WFDC1: variants seen among roughly 807,000 people sequenced by gnomAD.
WFDC1 encodes the protein WAP four-disulfide core domain 1.
WFDC1 carries 39 observed loss-of-function variants against 32.9 expected under a neutral mutation model. The ratio of observed to expected loss-of-function variants is 1.19; its 90% CI spans 0.92 to 1.55. The LOEUF (loss-of-function observed/expected upper bound fraction) is 1.55, where lower values mean the gene tolerates loss of function less well. Ranked by LOEUF, WFDC1 falls within the 40% of genes most tolerant of loss-of-function variation. The pLI is 0.00. For synonymous variants in WFDC1, 184 were observed against 137.4 expected (o/e 1.34, Z -2.37); for missense variants, 386 against 309.5 (o/e 1.25, Z -1.85).
Position 84,313,112 on chromosome 16 carries a change from G to T in WFDC1, c.296G>T (p.Gly99Val). The change falls in exon 2 of 7, where the codon GGA becomes GTA. Residue 99 changes from glycine (G) to valine (V), a missense_variant. Transcript: ENST00000219454. Reference sequence around the variant, plus strand: ...CGGCACCGGCGCTGCTGCTACAACGGATGCGCCTACGCCTGCCTAGAAGCT... The same window carrying T: ...CGGCACCGGCGCTGCTGCTACAACGTATGCGCCTACGCCTGCCTAGAAGCT... ...CPRHRRCCYN[G>V]CAYACLEAVP... is the part of the protein sequence containing the mutation. 1 of 1,442,612 alleles carries T rather than the reference G, an allele frequency of 6.9e-7. No individual in the cohort carries two copies. Among genetic ancestry groups the T allele is most frequent in the Middle Eastern group, 2.4e-4 (1 of 4,102 alleles). The allele number at this position is 1,442,612 out of a possible 1,614,324, so 89.4% of individuals were successfully genotyped here.
intron 1 of WFDC1, among the ~76,000 whole-genome samples, chr16:84,299,516 T>G (rs939812061): frequency 6.6e-6 from 1 of 152,198 alleles, no homozygotes; most frequent in Non-Finnish European, 1.5e-5. Context: ...GACTTGGTGT[T>G]TTTGGTTTTT....
intron 1 of WFDC1, among the ~76,000 whole-genome samples, chr16:84,307,464 C>T (rs1024255226): frequency 2.9e-4 from 44 of 152,278 alleles, no homozygotes; most frequent in Non-Finnish European, 5.3e-4. Flanking sequence ...GCTTCTAAGG[C>T]GCTTATCTCT....
At position 84,321,208 on chromosome 16, in the gene WFDC1, G is replaced by C. The variant is rs7203950; in HGVS notation, c.562+1637G>C. ...CCTCATTTGCCTTTTCTGTAAAATG[G>C]GTTCATAATACTTGAGGTACTTCAC... On this transcript the variant is annotated intron_variant, in intron 4 of 6. Coordinates refer to ENST00000219454, the MANE Select transcript of WFDC1 (RefSeq NM_021197.4). 8.2e-3 allele frequency among the ~76,000 whole-genome samples: 1,253 copies of C among 152,320 alleles called. 17 individuals are homozygous for C. The highest frequency in any genetic ancestry group is 0.028 in the African/African-American group (1,162 of 41,570).
chr16:84,309,943 G>A (rs925266265), intron 1 of WFDC1, among the ~76,000 whole-genome samples: 3 of 151,988 alleles, frequency 2.0e-5, no homozygotes, highest in Non-Finnish European at 4.4e-5. Flanking sequence ...AGGGCCCACT[G>A]GAAAATGCAG....
chr16:84,301,933 C>T (rs1016992112), intron 1 of WFDC1, among the ~76,000 whole-genome samples: 2 of 152,192 alleles, frequency 1.3e-5, no homozygotes, highest in African/African-American at 4.8e-5. Flanking sequence ...GACAGGAAAG[C>T]AGGACACCTC....
intron 1 of WFDC1, among the ~76,000 whole-genome samples, chr16:84,297,988 A>G (rs371024645): frequency 6.6e-6 from 1 of 152,278 alleles, no homozygotes; most frequent in Non-Finnish European, 1.5e-5. Flanking sequence ...CTCAAGGGCT[A>G]TGGGCTCGTC....
intron 5 of WFDC1, 125 bp downstream of exon 5, chr16:84,324,585 A>T (rs1908481051): frequency 9.2e-7 from 1 of 1,087,724 alleles, no homozygotes; most frequent in South Asian, 1.5e-5. Flanking sequence ...ACCTGGGATT[A>T]AGAAACAAAA....
At chr16:84,315,865 G>C (rs779630809) in intron 2 of WFDC1, among the ~76,000 whole-genome samples, 4 of 152,200 alleles carry the variant, frequency 2.6e-5, no homozygotes, top group Non-Finnish European at 4.4e-5. Context: ...CAGAGACAAG[G>C]ACTTGGGCCC....
chr16:84,329,418 C>A lies in WFDC1; in HGVS notation c.*112C>A, dbSNP rs1908793899. ...ACAGTTCACATTCAGCTCAGCAGAGCAAGACCCCAGAGATGCTTAGAGACA... is the reference window on the plus strand; with the variant it reads ...ACAGTTCACATTCAGCTCAGCAGAGAAAGACCCCAGAGATGCTTAGAGACA... On this transcript the variant is annotated 3_prime_UTR_variant, in exon 7 of 7. Coordinates refer to ENST00000219454, the MANE Select transcript of WFDC1 (RefSeq NM_021197.4). The A allele has an allele frequency of 6.6e-6, 1 of 152,184 alleles. No individual in the cohort carries two copies. The highest frequency in any genetic ancestry group is 1.5e-5 in the Non-Finnish European group (1 of 68,046). The allele number at this position is 152,184 out of a possible 1,614,324, so 9.4% of individuals were successfully genotyped here. A position where few individuals can be genotyped will look rare whatever the true frequency, so the allele number is the denominator to read the frequency against.
intron 2 of WFDC1, among the ~76,000 whole-genome samples, chr16:84,315,386 C>T (rs1208773051): frequency 6.6e-6 from 1 of 152,210 alleles, no homozygotes; most frequent in Non-Finnish European, 1.5e-5. Context: ...ACTTGAAGGT[C>T]AGCCCCACAG....
At chr16:84,299,045 G>A (rs927389638) in intron 1 of WFDC1, among the ~76,000 whole-genome samples, 3 of 152,098 alleles carry the variant, frequency 2.0e-5, no homozygotes, top group Admixed American at 6.6e-5. Flanking sequence ...TGTGCACTAC[G>A]GACAGATTTA....
chr16:84,320,935 T>A (rs1023327080), intron 4 of WFDC1, among the ~76,000 whole-genome samples: 4 of 152,318 alleles, frequency 2.6e-5, no homozygotes, highest in Admixed American at 6.5e-5. Flanking sequence ...GTAAAATCAG[T>A]CATGCATTTA....
intron 2 of WFDC1, chr16:84,317,313 T>C (rs1443414278): frequency 2.3e-5 from 3 of 132,126 alleles, no homozygotes; most frequent in South Asian, 5.2e-4. Context: ...AATAAATAAA[T>C]AAATAAATAA....
rs139508287 is a variant in WFDC1 at position 84,300,278 on chromosome 16, G to A, written c.144+5163G>A. Among the ~76,000 whole-genome samples the A allele has an allele frequency of 6.7e-3, 1,017 of 152,384 alleles. 12 individuals are homozygous for A. Among genetic ancestry groups the A allele is most frequent in the African/African-American group, 0.023 (968 of 41,602 alleles). On this transcript the variant is annotated intron_variant, in intron 1 of 6. Coordinates refer to ENST00000219454, the MANE Select transcript of WFDC1 (RefSeq NM_021197.4). Reference sequence around the variant, plus strand: ...GTAGGAGCAAATGGAGCTGGAGCCCGATGGCCCAGCTGGCTTCTCAACTTT... The same window carrying A: ...GTAGGAGCAAATGGAGCTGGAGCCCAATGGCCCAGCTGGCTTCTCAACTTT...
chr16:84,328,508 C>A (rs1908734453), intron 6 of WFDC1: 1 of 152,202 alleles, frequency 6.6e-6, no homozygotes, highest in Non-Finnish European at 1.5e-5. Flanking sequence ...GGACTGATGC[C>A]AGCACGTCTG....
At chr16:84,325,914 CTA>C in intron 5 of WFDC1, 1 of 152,054 alleles carries the variant, frequency 6.6e-6, no homozygotes, top group East Asian at 1.9e-4. Flanking sequence ...ATTCATTCAT[CTA>C]TCTCTTCTTT....
At position 84,312,972 on chromosome 16, in the gene WFDC1, G is replaced by C; in HGVS notation, c.156G>C (p.Ala52=). The C allele has an allele frequency of 8.6e-7, 1 of 1,163,890 alleles. No homozygotes were observed. Among genetic ancestry groups the C allele is most frequent in the Non-Finnish European group, 1.1e-6 (1 of 945,226 alleles). The allele number at this position is 1,163,890 out of a possible 1,614,324, so 72.1% of individuals were successfully genotyped here. A position where few individuals can be genotyped will look rare whatever the true frequency, so the allele number is the denominator to read the frequency against. Residue 52 remains alanine (A), a synonymous_variant, in exon 2 of 7, where the codon GCG becomes GCC. Transcript: ENST00000219454. ...CCCTCTCCCCGCAGGCCGAGGAGGC[G>C]GGCGCGCCCGGCGGCCCCCGGCAGC... ...RLAEKSRAEE[A]GAPGGPRQPR... is the part of the protein sequence containing the mutation.
chr16:84,306,846 T>C (rs1907292860), intron 1 of WFDC1, among the ~76,000 whole-genome samples: 1 of 152,194 alleles, frequency 6.6e-6, no homozygotes, highest in South Asian at 2.1e-4. Flanking sequence ...TGCCAGGCAC[T>C]GTTCTACGAG....
chr16:84,329,246 G>C (rs1208173626), intron 6 of WFDC1, 76 bp from the exon 7 acceptor site: 1 of 152,230 alleles, frequency 6.6e-6, no homozygotes, highest in Admixed American at 6.5e-5. Context: ...GCCCTGCAGT[G>C]GTTCACCCTG....
Sources: gnomAD v4.1 joint callset for allele counts (sites outside exome capture counted in the v4.1 genomes callset) on GRCh38, gnomAD v4.1.1 for gene constraint, MANE v1.5 for transcripts, NCBI Gene and HGNC (gene_info 2026-07-23, HGNC 2026-07-21) for gene names.